The following NOVA2 variants were observed in gnomAD, a reference collection of about 807,000 sequenced individuals.
NOVA2 encodes RNA-binding protein Nova-2.
NOVA2 carries 9 observed loss-of-function variants against 22.5 expected under a neutral mutation model. The ratio of observed to expected loss-of-function variants is 0.40; its 90% CI spans 0.24 to 0.70. NOVA2 has a LOEUF of 0.70. Among genes scored for constraint, NOVA2 ranks in the 30% least tolerant of loss-of-function variants. The pLI, the probability that NOVA2 is intolerant of heterozygous loss-of-function variation, is 0.38. For missense variants in NOVA2, 383 were observed against 682.8 expected, an observed-to-expected ratio of 0.56 and a Z score of 4.89; for synonymous variants, 318 against 335.2, an observed-to-expected ratio of 0.95 and a Z score of 0.56.
At chr19:45,953,518 G>C (rs143061914) in intron 3 of NOVA2, among the ~76,000 whole-genome samples, 1 of 152,224 alleles carries the variant, frequency 6.6e-6, no homozygotes, top group Non-Finnish European at 1.5e-5. Context: ...AGAAAGGATC[G>C]AACAATAGGG....
At chr19:45,973,091 C>A (rs1968254752) in intron 1 of NOVA2, among the ~76,000 whole-genome samples, 176 bp downstream of exon 1, 1 of 147,878 alleles carries the variant, frequency 6.8e-6, no homozygotes, top group African/African-American at 2.5e-5. Context: ...CGGGCCTCAG[C>A]GAGAGGAGGA....
intron 1 of NOVA2, among the ~76,000 whole-genome samples, chr19:45,971,866 G>A (rs767793635): frequency 1.3e-5 from 2 of 151,814 alleles, no homozygotes; most frequent in Non-Finnish European, 2.9e-5. Context: ...AGCCCCCCAC[G>A]GCAGGGCATG....
In NOVA2 at chr19:45,940,963, G is replaced by A. The variant is rs746294101; in HGVS notation, c.397-18C>T. On this transcript the variant is annotated intron_variant, in intron 3 of 3. Coordinates refer to ENST00000263257, the MANE Select transcript of NOVA2 (RefSeq NM_002516.4). ...AGCTTGGCCTGCGTGGGGAGCAAAA[G>A]GGAGGGTCTTTAATTTTATTTTTTT... The A allele has an allele frequency of 6.3e-7, 1 of 1,580,986 alleles. No homozygotes were observed. The highest frequency in any genetic ancestry group is 1.1e-5 in the South Asian group (1 of 87,078).
intron 1 of NOVA2, among the ~76,000 whole-genome samples, chr19:45,971,918 C>T (rs1163686983): frequency 2.0e-5 from 3 of 152,032 alleles, no homozygotes; most frequent in African/African-American, 4.8e-5. Context: ...CTGGTACACA[C>T]ACCTCCTTGG....
rs566919023 is a variant in NOVA2, at chr19:45,937,091, A to C, written c.*2772T>G. On this transcript the variant is annotated 3_prime_UTR_variant, in exon 4 of 4. Transcript: ENST00000263257. ...TCTCTGCTCACCAACATGGTGAGTG[A>C]ACTAGCTCACTGAGCTAGCAAAGTA... The C allele has an allele frequency of 6.6e-6, 1 of 152,268 alleles. No homozygotes were observed. The highest frequency in any genetic ancestry group is 1.9e-4 in the East Asian group (1 of 5,172). 9.4% of individuals were successfully genotyped at this position (152,268 alleles called of 1,614,324 possible).
chr19:45,973,167 TC>T, intron 1 of NOVA2, 99 bp downstream of exon 1: 1 of 395,536 alleles, frequency 2.5e-6, no homozygotes, highest in South Asian at 3.5e-5. Flanking sequence ...GTCTCTCCCC[TC>T]CCCAGAGCCC....
rs1411634131 is a variant in NOVA2 at position 45,940,576 on chromosome 19, C to T, written c.766G>A (p.Ala256Thr). The change falls in exon 4 of 4, where the codon GCC becomes ACC. Residue 256 changes from alanine (A) to threonine (T), a missense_variant. By Grantham distance (58) the Ala-to-Thr change is moderately conservative. Coordinates refer to ENST00000263257, the MANE Select transcript of NOVA2 (RefSeq NM_002516.4). Reference sequence around the variant, plus strand: ...AAGGCCCCCACGCCAGCCAGCCCGGCGGGGCCCAGCAGGCCGGAGGCGGCG... The same window carrying T: ...AAGGCCCCCACGCCAGCCAGCCCGGTGGGGCCCAGCAGGCCGGAGGCGGCG... Reference protein sequence around the residue: ...AAAASGLLGPAGLAGVGAFPA... With the variant: ...AAAASGLLGPTGLAGVGAFPA... The T allele has an allele frequency of 4.1e-6, 6 of 1,447,154 alleles. No homozygotes were observed. The highest frequency in any genetic ancestry group is 5.4e-6 in the Non-Finnish European group (6 of 1,103,470). The allele number at this position is 1,447,154 out of a possible 1,614,324, so 89.6% of individuals were successfully genotyped here.
chr19:45,972,289 A>C (rs915172349), intron 1 of NOVA2, among the ~76,000 whole-genome samples: 4 of 151,568 alleles, frequency 2.6e-5, no homozygotes, highest in Non-Finnish European at 1.5e-5. Context: ...GCACACCTCC[A>C]TGTGTCACAC....
chr19:45,937,816 A>C lies in NOVA2; in HGVS notation c.*2047T>G, dbSNP rs1418575027. 6.6e-6 allele frequency: 1 copy of C among 152,074 alleles called. No homozygotes were observed. The highest frequency in any genetic ancestry group is 1.5e-5 in the Non-Finnish European group (1 of 68,026). 9.4% of individuals were successfully genotyped at this position (152,074 alleles called of 1,614,324 possible). ...GGAAATTCAGTGCAAGGTACCTCGA[A>C]GGCTATTGCTTTCTAGGGATTTTCA... On this transcript the variant is annotated 3_prime_UTR_variant, in exon 4 of 4. Transcript: ENST00000263257.
At chr19:45,953,973 C>G (rs768377916) in intron 2 of NOVA2, 27 bp from the exon 3 acceptor site, 33 of 1,611,726 alleles carry the variant, frequency 2.0e-5, no homozygotes, top group Non-Finnish European at 1.7e-5. Flanking sequence ...AGAGAGGGCA[C>G]ACTCATGAGA....
intron 2 of NOVA2, 96 bp downstream of exon 2, chr19:45,960,914 T>G: frequency 7.6e-7 from 1 of 1,315,836 alleles, no homozygotes; most frequent in South Asian, 1.4e-5. Context: ...GTCACTGTCC[T>G]TAGGGCAGAC....
chr19:45,945,991 T>G, intron 3 of NOVA2, among the ~76,000 whole-genome samples: 6 of 113,298 alleles, frequency 5.3e-5, no homozygotes, highest in East Asian at 2.5e-4. Context: ...AATGACAGAG[T>G]GAGACTCCAT....
At chr19:45,972,211 AG>A (rs1968241653) in intron 1 of NOVA2, among the ~76,000 whole-genome samples, 2 of 151,856 alleles carry the variant, frequency 1.3e-5, no homozygotes, top group Non-Finnish European at 1.5e-5. Flanking sequence ...TTCACCCACA[AG>A]CCCCAGCCTC....
At chr19:45,943,416 A>T (rs1967790865) in intron 3 of NOVA2, among the ~76,000 whole-genome samples, 2 of 151,080 alleles carry the variant, frequency 1.3e-5, no homozygotes, top group Non-Finnish European at 3.0e-5. Context: ...GCCTGTTTTT[A>T]AATCTCTGAG....
At position 45,939,847 on chromosome 19, in the gene NOVA2, G is replaced by A; in HGVS notation, c.*16C>T. The A allele has an allele frequency of 6.2e-7, 1 of 1,613,718 alleles. No homozygotes were observed. Among genetic ancestry groups the A allele is most frequent in the Non-Finnish European group, 8.5e-7 (1 of 1,179,790 alleles). ...GATGGGAGGAGAGAAAAGGGTGGGAGCACACACCACAGGCCTCATCCCACT... is the reference window on the plus strand; with the variant it reads ...GATGGGAGGAGAGAAAAGGGTGGGAACACACACCACAGGCCTCATCCCACT... On this transcript the variant is annotated 3_prime_UTR_variant, in exon 4 of 4. Transcript: ENST00000263257.
chr19:45,940,999 A>C (rs1296377859), intron 3 of NOVA2, 54 bp from the exon 4 acceptor site: 57 of 1,483,956 alleles, frequency 3.8e-5, no homozygotes, highest in Non-Finnish European at 4.9e-5. Context: ...AAAAAATTAA[A>C]TTAAATTAGG....
rs757517954 is a variant in NOVA2, at chr19:45,939,945, G to A, written c.1397C>T (p.Thr466Met). The change falls in exon 4 of 4, where the codon ACG becomes ATG. Residue 466 changes from threonine to methionine, a missense_variant. Thr to Met is a moderately conservative substitution (Grantham distance 81). Transcript: ENST00000263257. ...ACTGATGAGGTATTGAGCGGCTTGC[G>A]TGGCCGCGGGGCTGCCCGTGATGGT... ...RVTITGSPAA[T>M]QAAQYLISQR... is the part of the protein sequence containing the mutation. The A allele has an allele frequency of 6.2e-7, 1 of 1,614,044 alleles. No homozygotes were observed. The highest frequency in any genetic ancestry group is 1.1e-5 in the South Asian group (1 of 91,090).
chr19:45,941,368 G>A (rs984775279), intron 3 of NOVA2, among the ~76,000 whole-genome samples: 6 of 151,480 alleles, frequency 4.0e-5, no homozygotes, highest in African/African-American at 1.2e-4. Context: ...GGGGCCTTGC[G>A]ATGTTGCCCA....
At chr19:45,957,893 T>C (rs1342194182) in intron 2 of NOVA2, among the ~76,000 whole-genome samples, 1 of 151,688 alleles carries the variant, frequency 6.6e-6, no homozygotes, top group African/African-American at 2.4e-5. Flanking sequence ...GGTCAGGAGA[T>C]CAAGACCATC....
Sources: gnomAD v4.1 joint callset for allele counts (sites outside exome capture counted in the v4.1 genomes callset) on GRCh38, gnomAD v4.1.1 for gene constraint, MANE v1.5 for transcripts, NCBI Gene and HGNC (gene_info 2026-07-23, HGNC 2026-07-21) for gene names.